BBS9: variants seen among roughly 807,000 people sequenced by gnomAD.
BBS9 encodes protein PTHB1.
In BBS9, 89 loss-of-function variants were observed where a neutral mutation model predicts 117.7. The ratio of observed to expected loss-of-function variants is 0.76; its 90% confidence interval spans 0.64 to 0.90. The LOEUF (loss-of-function observed/expected upper bound fraction) is 0.90, where lower values mean the gene tolerates loss of function less well. BBS9 is among the 40% of genes least tolerant of loss of function. The pLI is 0.00. For synonymous variants in BBS9, 379 were observed against 370.9 expected (o/e 1.02, Z -0.25); for missense variants, 982 against 1,042.2 (o/e 0.94, Z 0.80).
intron 5 of BBS9, among the ~76,000 whole-genome samples, chr7:33,204,154 AG>A (rs1431178224): frequency 1.7e-4 from 4 of 24,036 alleles, no homozygotes; most frequent in Admixed American, 5.1e-4. Flanking sequence ...CTGTAATCCC[AG>A]CACTTTGGGA....
chr7:33,304,943 G>C (rs182146555), intron 9 of BBS9, among the ~76,000 whole-genome samples: 3,315 of 152,020 alleles, frequency 0.022, 44 homozygotes, highest in South Asian at 0.029. Flanking sequence ...CAGCATGCTC[G>C]TTAAGAGTCA....
intron 18 of BBS9, among the ~76,000 whole-genome samples, chr7:33,386,677 G>A (rs7806348): frequency 0.12 from 17,755 of 151,280 alleles, 1,134 homozygotes; most frequent in African/African-American, 0.17. Context: ...TTTTTTTTTA[G>A]TAGAGACGGG....
At chr7:33,173,660 T>G (rs1401543171) in intron 4 of BBS9, among the ~76,000 whole-genome samples, 1 of 152,186 alleles carries the variant, frequency 6.6e-6, no homozygotes, top group Middle Eastern at 3.2e-3. Flanking sequence ...AGCCATCATT[T>G]TCAAATTTAC....
At chr7:33,411,554 A>G (rs2128823070) in intron 19 of BBS9, among the ~76,000 whole-genome samples, 1 of 152,240 alleles carries the variant, frequency 6.6e-6, no homozygotes, top group Middle Eastern at 3.4e-3. Flanking sequence ...CAACGCAAAA[A>G]TTGTGTATTT....
chr7:33,440,782 C>T (rs765644047), intron 19 of BBS9, among the ~76,000 whole-genome samples: 1 of 152,176 alleles, frequency 6.6e-6, no homozygotes, highest in Non-Finnish European at 1.5e-5. Context: ...AGCCCAAGCT[C>T]ATATGAAGCA....
chr7:33,383,505 C>T (rs1825454934), intron 17 of BBS9, among the ~76,000 whole-genome samples, 161 bp from the exon 18 acceptor site: 1 of 152,044 alleles, frequency 6.6e-6, no homozygotes. Context: ...ATGCAGGGAG[C>T]AATGAAACAG....
intron 19 of BBS9, among the ~76,000 whole-genome samples, chr7:33,487,238 T>C (rs1843239617): frequency 6.6e-6 from 1 of 152,226 alleles, no homozygotes; most frequent in Non-Finnish European, 1.5e-5. Context: ...TTTTAAACTG[T>C]AATTTGTTCC....
chr7:33,471,886 G>T (rs770266660), intron 19 of BBS9, among the ~76,000 whole-genome samples: 1 of 152,204 alleles, frequency 6.6e-6, no homozygotes, highest in African/African-American at 2.4e-5. Flanking sequence ...CCAGGGTTCC[G>T]CACAGCTGGT....
intron 19 of BBS9, among the ~76,000 whole-genome samples, chr7:33,458,087 A>G (rs1413550979): frequency 6.6e-6 from 1 of 152,172 alleles, no homozygotes; most frequent in Non-Finnish European, 1.5e-5. Flanking sequence ...AAAAGAGACA[A>G]AAAGAGACAG....
chr7:33,179,514 TC>T (rs1583493068), intron 5 of BBS9, among the ~76,000 whole-genome samples: 2 of 152,034 alleles, frequency 1.3e-5, no homozygotes, highest in African/African-American at 4.8e-5. Context: ...ATGCAAGGGA[TC>T]TAGGTTGTGT....
intron 5 of BBS9, among the ~76,000 whole-genome samples, chr7:33,193,632 T>C (rs73095390): frequency 0.31 from 47,323 of 151,850 alleles, 7,572 homozygotes; most frequent in African/African-American, 0.36. Flanking sequence ...TTGGATATCA[T>C]GCAGTGTGTC....
At chr7:33,133,498 A>C (rs1008825573) in intron 1 of BBS9, among the ~76,000 whole-genome samples, 4 of 152,214 alleles carry the variant, frequency 2.6e-5, no homozygotes, top group Non-Finnish European at 5.9e-5. Flanking sequence ...ATTTTATATA[A>C]ACAGAATCAT....
At chr7:33,383,963 A>G (rs144525291) in intron 18 of BBS9, 125 bp downstream of exon 18, 2 of 1,038,412 alleles carry the variant, frequency 1.9e-6, no homozygotes, top group Admixed American at 2.6e-5. Flanking sequence ...TCTTATGTGG[A>G]TGGTGGATTT....
chr7:33,418,320 C>T (rs1235282698), intron 19 of BBS9, among the ~76,000 whole-genome samples: 1 of 152,162 alleles, frequency 6.6e-6, no homozygotes, highest in Non-Finnish European at 1.5e-5. Flanking sequence ...GGTAAGGCTT[C>T]TGGTCAGCGG....
chr7:33,451,278 A>T (rs896200304), intron 19 of BBS9, among the ~76,000 whole-genome samples: 1 of 152,176 alleles, frequency 6.6e-6, no homozygotes. Context: ...TGCCAAATGC[A>T]GTGTTATAAA....
intron 21 of BBS9, among the ~76,000 whole-genome samples, chr7:33,584,079 T>A (rs1860474952): frequency 6.6e-6 from 1 of 152,058 alleles, no homozygotes; most frequent in Non-Finnish European, 1.5e-5. Flanking sequence ...ATTTAATTGG[T>A]GTTACTTTGA....
rs578196522 is a variant in BBS9 at position 33,543,696 on chromosome 7, G to A, written c.2521+9520G>A. 5.9e-5 allele frequency among the ~76,000 whole-genome samples: 9 copies of A among 152,210 alleles called. No individual in the cohort carries two copies. In the South Asian group the frequency reaches 1.5e-3, roughly 25 times the overall value. On this transcript the variant is annotated intron_variant, in intron 21 of 22. Transcript: ENST00000242067. The stretch of plus-strand genomic sequence containing the variant: ...TGTGCCTAGGTGAAGATCTTTTTGC[G>A]ATGAATTTCCCAGGTGTTCTTTGAA...
chr7:33,300,734 A>G (rs1364446224), intron 9 of BBS9, among the ~76,000 whole-genome samples: 3 of 151,924 alleles, frequency 2.0e-5, no homozygotes, highest in Non-Finnish European at 4.4e-5. Flanking sequence ...ACATTTAGAT[A>G]TATTCATATT....
chr7:33,500,931 CT>C (rs1845360369), intron 19 of BBS9, among the ~76,000 whole-genome samples: 1 of 152,174 alleles, frequency 6.6e-6, no homozygotes, highest in Non-Finnish European at 1.5e-5. Context: ...CAGAGATGTC[CT>C]TTGGGGTCTC....
Sources: gnomAD v4.1 joint callset for allele counts (sites outside exome capture counted in the v4.1 genomes callset) on GRCh38, gnomAD v4.1.1 for gene constraint, MANE v1.5 for transcripts, NCBI Gene and HGNC (gene_info 2026-07-23, HGNC 2026-07-21) for gene names.